Variants in SPINT1 observed in about 807,000 individuals in gnomAD.
SPINT1 encodes the protein serine peptidase inhibitor, Kunitz type 1.
SPINT1 carries 38 observed loss-of-function variants against 53.7 expected under a neutral mutation model. That is an observed-to-expected ratio of 0.71 (90% CI 0.55 to 0.93). The LOEUF (loss-of-function observed/expected upper bound fraction) is 0.93. SPINT1 is among the 40% of genes least tolerant of loss of function. The pLI is 0.00. For synonymous variants in SPINT1, 283 were observed against 280.6 expected (o/e 1.01, Z -0.08); for missense variants, 645 against 692.9 (o/e 0.93, Z 0.78).
chr15:40,851,655 G>A (rs1278137474), intron 2 of SPINT1, among the ~76,000 whole-genome samples: 1 of 152,152 alleles, frequency 6.6e-6, no homozygotes, highest in Non-Finnish European at 1.5e-5. Context: ...TGCCCAACTG[G>A]ACTAATCCTC....
chr15:40,854,403 C>G lies in SPINT1; in HGVS notation c.947C>G (p.Ser316Cys). Residue 316 changes from serine (S) to cysteine (C), a missense_variant, in exon 7 of 11, where the codon TCT (serine) becomes TGT (cysteine). Ser to Cys is a moderately radical substitution (Grantham distance 112). Transcript: ENST00000562057. Reference protein sequence around the residue: ...PSMERRHPVCSGTCQPTQFRC... With the variant: ...PSMERRHPVCCGTCQPTQFRC... ...CTCCCTTCCACCCGTCCAGTGTGCT[C>G]TGGCACCTGTCAGCCCACCCAGTTC... The G allele has an allele frequency of 6.3e-7, 1 of 1,595,056 alleles. No individual in the cohort carries two copies. The highest frequency in any genetic ancestry group is 1.3e-5 in the African/African-American group (1 of 74,368).
In SPINT1 at chr15:40,856,951, T is replaced by G; in HGVS notation, c.1518T>G (p.Tyr506Ter). ...STTEDTEHLV[Y>*]NHTTRPL is the part of the protein sequence containing the mutation. ...CCGAGGACACGGAGCACCTGGTCTATAACCACACCACGCGGCCCCTCTGAG... is the reference window on the plus strand; with the variant it reads ...CCGAGGACACGGAGCACCTGGTCTAGAACCACACCACGCGGCCCCTCTGAG... Residue 506 changes from tyrosine (Y) to a stop codon, truncating the protein, a stop_gained, in exon 11 of 11, where the codon TAT becomes TAG. Coordinates refer to ENST00000562057, the MANE Select transcript of SPINT1 (RefSeq NM_003710.4). LOFTEE classifies it high-confidence loss of function. The G allele has an allele frequency of 6.2e-7, 1 of 1,614,028 alleles. No individual in the cohort carries two copies. The highest frequency in any genetic ancestry group is 8.5e-7 in the Non-Finnish European group (1 of 1,179,926).
chr15:40,854,327 G>A, intron 6 of SPINT1, 70 bp from the exon 7 acceptor site: 6 of 1,509,540 alleles, frequency 4.0e-6, no homozygotes, highest in Non-Finnish European at 5.3e-6. Flanking sequence ...TGGGCAGAGA[G>A]GGCCAAGTAG....
rs760163087 is a variant in SPINT1, at chr15:40,856,835, G to C, written c.1402G>C (p.Gly468Arg). ...ICIVVVVAIL[G>R]YCFFKNQRKD... ...CATTGTGGTGGTGGTAGCCATCTTG[G>C]GTTACTGCTTCTTCAAGAACCAGAG... The change falls in exon 11 of 11, where the codon GGT becomes CGT. Residue 468 changes from glycine (G) to arginine (R), a missense_variant. Gly to Arg is a moderately radical substitution (Grantham distance 125). Coordinates refer to ENST00000562057, the MANE Select transcript of SPINT1 (RefSeq NM_003710.4). The C allele has an allele frequency of 1.9e-6, 3 of 1,614,078 alleles. No individual in the cohort carries two copies. Among genetic ancestry groups the C allele is most frequent in the Non-Finnish European group, 1.7e-6 (2 of 1,180,004 alleles).
At chr15:40,853,005 C>T (rs978583030) in intron 2 of SPINT1, 119 bp from the exon 3 acceptor site, 13 of 1,310,714 alleles carry the variant, frequency 9.9e-6, no homozygotes, top group Middle Eastern at 1.9e-4. Flanking sequence ...CCCATGCAGG[C>T]TGTGGAGTCC....
rs1173783108 is a variant in SPINT1 at position 40,858,126 on chromosome 15, A to G, written c.*1151A>G. On this transcript the variant is annotated 3_prime_UTR_variant, in exon 11 of 11. Transcript: ENST00000562057. The stretch of plus-strand genomic sequence containing the variant: ...CTTCCCAGGAGCCTTTAGTAGAGAC[A>G]CGCCACTCCAACCCACACCCCTGCA... 6.6e-6 allele frequency: 1 copy of G among 150,988 alleles called. No homozygotes were observed. Among genetic ancestry groups the G allele is most frequent in the Admixed American group, 6.6e-5 (1 of 15,134 alleles). 9.4% of individuals were successfully genotyped at this position (150,988 alleles called of 1,614,324 possible).
chr15:40,844,914 C>T lies in SPINT1; in HGVS notation c.360C>T (p.Asn120=), dbSNP rs375042808. Residue 120 remains asparagine, a synonymous_variant, in exon 2 of 11, where the codon AAC becomes AAT. Coordinates refer to ENST00000562057, the MANE Select transcript of SPINT1 (RefSeq NM_003710.4). This position sits in a 1 kb window ranked among gnomAD's most constrained non-coding sequence, Gnocchi z 5.8. ...CCATCGCCGCCTGCTTCCTCATCAACTGCCTCTACGAGCAGAACTTCGTGT... is the reference window on the plus strand; with the variant it reads ...CCATCGCCGCCTGCTTCCTCATCAATTGCCTCTACGAGCAGAACTTCGTGT... ...EDAIAACFLI[N]CLYEQNFVCK... is the part of the protein sequence containing the mutation. The T allele has an allele frequency of 1.0e-4, 162 of 1,614,100 alleles. No individual in the cohort carries two copies. In the South Asian group the frequency reaches 1.6e-3, roughly 16 times the overall value.
In SPINT1 at chr15:40,844,201, C is replaced by G. The variant is rs893336235; in HGVS notation, c.-66+15C>G. 1 of 408,440 alleles carries G rather than the reference C, an allele frequency of 2.4e-6. No individual in the cohort carries two copies. Among genetic ancestry groups the G allele is most frequent in the South Asian group, 2.0e-5 (1 of 50,054 alleles). The allele number at this position is 408,440 out of a possible 1,614,324, so 25.3% of individuals were successfully genotyped here. On this transcript the variant is annotated intron_variant, in intron 1 of 10. Coordinates refer to ENST00000562057, the MANE Select transcript of SPINT1 (RefSeq NM_003710.4). The surrounding 1 kb of genome is among the most constrained non-coding windows in gnomAD (Gnocchi z 5.8). ...CACCTGCGCAGGTAACCCGGGCCCC[C>G]GCGCGCAAGGCCGAGGCGCAGGCGG...
At chr15:40,854,329 G>C in intron 6 of SPINT1, 68 bp from the exon 7 acceptor site, 2 of 1,510,100 alleles carry the variant, frequency 1.3e-6, no homozygotes, top group Non-Finnish European at 1.8e-6. Context: ...GGCAGAGAGG[G>C]CCAAGTAGAA....
intron 7 of SPINT1, 23 bp downstream of exon 7, chr15:40,854,545 G>T: frequency 6.2e-7 from 1 of 1,613,596 alleles, no homozygotes; most frequent in South Asian, 1.1e-5. Context: ...GGATAGAGGG[G>T]GTTGGGCAGC....
rs754036462 is a variant in SPINT1, at chr15:40,853,568, A to G, written c.683A>G (p.Asp228Gly). Residue 228 changes from aspartate to glycine, a missense_variant, in exon 4 of 11, where the codon GAC (aspartate) becomes GGC (glycine). Transcript: ENST00000562057. ...YLFQLTVTSS[D>G]HPEDTANVTV... ...TTCCAGCTGACAGTGACTAGCTCAG[A>G]CCACCCAGAGGACACGGCCAACGTC... is the stretch of plus-strand genomic sequence containing the variant. 73 of 1,613,904 alleles carry G rather than the reference A, an allele frequency of 4.5e-5. No homozygotes were observed. In the Admixed American group the frequency reaches 1.1e-3, roughly 25 times the overall value.
rs1490606639 is a variant in SPINT1, at chr15:40,844,264, C to T, written c.-66+78C>T. ...CATGTCCGGCCCTTTGTTCTGCGCTCGTGCGTGTGTCCGGGTACTTGAGCT... is the reference window on the plus strand; with the variant it reads ...CATGTCCGGCCCTTTGTTCTGCGCTTGTGCGTGTGTCCGGGTACTTGAGCT... On this transcript the variant is annotated intron_variant, in intron 1 of 10. Coordinates refer to ENST00000562057, the MANE Select transcript of SPINT1 (RefSeq NM_003710.4). This position sits in a 1 kb window ranked among gnomAD's most constrained non-coding sequence, Gnocchi z 5.8. The T allele has an allele frequency of 3.8e-6, 2 of 530,952 alleles. No individual in the cohort carries two copies. The highest frequency in any genetic ancestry group is 4.1e-5 in the South Asian group (2 of 48,798). 32.9% of individuals were successfully genotyped at this position (530,952 alleles called of 1,614,324 possible).
chr15:40,856,050 C>A lies in SPINT1; in HGVS notation c.1276C>A (p.Arg426Ser). 4 of 1,613,990 alleles carry A rather than the reference C, an allele frequency of 2.5e-6. No homozygotes were observed. Among genetic ancestry groups the A allele is most frequent in the Non-Finnish European group, 3.4e-6 (4 of 1,179,952 alleles). Residue 426 changes from arginine to serine, a missense_variant, in exon 9 of 11, where the codon CGC (arginine) becomes AGC (serine). Transcript: ENST00000562057. ...AGAGCAGCAGTGCCTCGAGTCTTGT[C>A]GCGGCATCTCCAGTGAGTGGGCCAG... ...EEEQQCLESC[R>S]GISKKDVFGL...
chr15:40,857,058 G>A lies in SPINT1; in HGVS notation c.*83G>A. ...TGGGCTGGGAAAAACTTTGGAACCAGACTCTTGCCTGTTTCCCAGGCCCAC... is the reference window on the plus strand; with the variant it reads ...TGGGCTGGGAAAAACTTTGGAACCAAACTCTTGCCTGTTTCCCAGGCCCAC... On this transcript the variant is annotated 3_prime_UTR_variant, in exon 11 of 11. Transcript: ENST00000562057. 1.9e-6 allele frequency: 3 copies of A among 1,540,780 alleles called. No individual in the cohort carries two copies. Among genetic ancestry groups the A allele is most frequent in the Non-Finnish European group, 1.8e-6 (2 of 1,137,232 alleles).
At chr15:40,854,230 AG>A in intron 6 of SPINT1, 144 bp downstream of exon 6, 1 of 1,362,840 alleles carries the variant, frequency 7.3e-7, no homozygotes, top group East Asian at 2.3e-5. Flanking sequence ...CACCCCTTCC[AG>A]CCCAGCATCG....
At chr15:40,845,484 C>T (rs182610558) in intron 2 of SPINT1, among the ~76,000 whole-genome samples, 2 of 152,086 alleles carry the variant, frequency 1.3e-5, no homozygotes, top group Admixed American at 6.6e-5. Context: ...GCAGTACAGC[C>T]GAATCAAGCC....
intron 3 of SPINT1, 115 bp downstream of exon 3, chr15:40,853,366 G>A: frequency 6.3e-7 from 1 of 1,599,776 alleles, no homozygotes; most frequent in Non-Finnish European, 8.5e-7. Context: ...GAGAGAGGCT[G>A]AAGATGCATT....
chr15:40,856,407 C>T (rs2142017739), intron 10 of SPINT1, 84 bp downstream of exon 10: 2 of 1,558,318 alleles, frequency 1.3e-6, no homozygotes, highest in East Asian at 2.3e-5. Context: ...ACAGCCTAAC[C>T]TGTGTTGAGA....
chr15:40,853,976 C>T (rs1478734476), intron 5 of SPINT1, 84 bp from the exon 6 acceptor site: 20 of 1,604,134 alleles, frequency 1.2e-5, no homozygotes, highest in Non-Finnish European at 1.7e-5. Flanking sequence ...GTGGTGGGAG[C>T]TCTCCCTTGC....
Sources: gnomAD v4.1 joint callset for allele counts (sites outside exome capture counted in the v4.1 genomes callset) on GRCh38, gnomAD v4.1.1 for gene constraint, Gnocchi (gnomAD v3.1) non-coding constraint, MANE v1.5 for transcripts, NCBI Gene and HGNC (gene_info 2026-07-23, HGNC 2026-07-21) for gene names.